Variants in MAP3K5 observed in about 807,000 individuals in gnomAD.
MAP3K5 encodes the protein mitogen-activated protein kinase kinase kinase 5, also known as ASK-1.
In MAP3K5, 56 loss-of-function variants were observed where a neutral mutation model predicts 158.7. The ratio of observed to expected loss-of-function variants is 0.35; its 90% confidence interval spans 0.28 to 0.44. The LOEUF is 0.44. Among genes scored for constraint, MAP3K5 ranks in the 20% least tolerant of loss-of-function variants. MAP3K5 has a pLI of 1.00. For missense variants in MAP3K5, 1,294 were observed against 1,674.8 expected, an observed-to-expected ratio of 0.77 and a Z score of 3.97; for synonymous variants, 579 against 601.7, an observed-to-expected ratio of 0.96 and a Z score of 0.55.
intron 1 of MAP3K5, among the ~76,000 whole-genome samples, chr6:136,728,176 C>T (rs1782055312): frequency 2.0e-5 from 3 of 152,080 alleles, no homozygotes; most frequent in African/African-American, 4.8e-5. Context: ...AGCTTAATTG[C>T]ATTTTGGTCA....
chr6:136,602,288 CTTTA>C (rs1439415059), intron 19 of MAP3K5, among the ~76,000 whole-genome samples: 2 of 151,966 alleles, frequency 1.3e-5, no homozygotes, highest in Non-Finnish European at 2.9e-5. Flanking sequence ...CAAAAAGGAT[CTTTA>C]TTTTTCTTTC....
intron 25 of MAP3K5, among the ~76,000 whole-genome samples, chr6:136,575,109 T>A (rs1411926950): frequency 1.3e-5 from 2 of 151,986 alleles, no homozygotes; most frequent in Non-Finnish European, 2.9e-5. Context: ...TAACAGTTTA[T>A]ATACCTTTGG....
intron 1 of MAP3K5, among the ~76,000 whole-genome samples, chr6:136,754,941 A>C (rs549963122): frequency 6.6e-6 from 1 of 152,208 alleles, no homozygotes; most frequent in South Asian, 2.1e-4. Context: ...CCATTCCAGA[A>C]ATATGAGGTT....
chr6:136,789,995 G>C (rs184509464), intron 1 of MAP3K5, among the ~76,000 whole-genome samples: 3 of 152,272 alleles, frequency 2.0e-5, no homozygotes, highest in African/African-American at 7.2e-5. Flanking sequence ...CCTGGCCCAA[G>C]CACAACCTTT....
intron 7 of MAP3K5, among the ~76,000 whole-genome samples, chr6:136,674,345 C>T (rs1055758842): frequency 3.3e-5 from 5 of 151,926 alleles, no homozygotes; most frequent in East Asian, 3.8e-4. Context: ...ATTTAAACTG[C>T]TCCAAGTTTC....
chr6:136,718,220 A>AT (rs950019053), intron 2 of MAP3K5, among the ~76,000 whole-genome samples: 11 of 151,964 alleles, frequency 7.2e-5, no homozygotes, highest in African/African-American at 2.4e-4. Flanking sequence ...TTGTTTTGTG[A>AT]TTTTTTTGAG....
chr6:136,786,460 G>A (rs6570102), intron 1 of MAP3K5, among the ~76,000 whole-genome samples: 2,431 of 151,220 alleles, frequency 0.016, 67 homozygotes, highest in South Asian at 0.057. Context: ...CGATAGTATT[G>A]ACATCTCTTA....
At chr6:136,670,823 T>G (rs572552561) in intron 7 of MAP3K5, among the ~76,000 whole-genome samples, 2 of 152,312 alleles carry the variant, frequency 1.3e-5, no homozygotes, top group East Asian at 3.9e-4. Flanking sequence ...CTCTGATAGT[T>G]ATGTACCTAT....
chr6:136,656,543 G>T, intron 9 of MAP3K5, 83 bp from the exon 10 acceptor site: 1 of 813,486 alleles, frequency 1.2e-6, no homozygotes, highest in Non-Finnish European at 2.0e-6. Flanking sequence ...TTCTGTAAAT[G>T]TAATTTATAC....
Position 136,583,963 on chromosome 6 carries a change from C to T in MAP3K5, c.3226-223G>A, listed in dbSNP as rs542733900. On this transcript the variant is annotated intron_variant, in intron 23 of 29. Transcript: ENST00000359015. ...CAGGCATGAGCCACCATACTTCCCACAGCCCTTTCTGAGAAGAACTGGACT... is the reference window on the plus strand; with the variant it reads ...CAGGCATGAGCCACCATACTTCCCATAGCCCTTTCTGAGAAGAACTGGACT... 2.0e-5 allele frequency among the ~76,000 whole-genome samples: 3 copies of T among 152,246 alleles called. No individual in the cohort carries two copies. In the East Asian group the frequency reaches 5.8e-4, roughly 29 times the overall value.
At chr6:136,570,089 G>A (rs1160190227) in intron 25 of MAP3K5, among the ~76,000 whole-genome samples, 1 of 152,108 alleles carries the variant, frequency 6.6e-6, no homozygotes, top group Non-Finnish European at 1.5e-5. Context: ...ATTCCCTGAA[G>A]CCTCTCCCGA....
chr6:136,704,386 G>C (rs941332711), intron 3 of MAP3K5, among the ~76,000 whole-genome samples: 1 of 152,084 alleles, frequency 6.6e-6, no homozygotes, highest in Non-Finnish European at 1.5e-5. Flanking sequence ...AAGGGAAAAG[G>C]GAACAGCATA....
chr6:136,601,196 G>T (rs1031384978), intron 20 of MAP3K5, among the ~76,000 whole-genome samples, 154 bp from the exon 21 acceptor site: 1 of 150,820 alleles, frequency 6.6e-6, no homozygotes, highest in African/African-American at 2.5e-5. Flanking sequence ...ATCAAAAAAC[G>T]CCAAGAACAA....
intron 1 of MAP3K5, among the ~76,000 whole-genome samples, chr6:136,767,112 A>G (rs1783999207): frequency 6.6e-6 from 1 of 152,228 alleles, no homozygotes; most frequent in African/African-American, 2.4e-5. Context: ...GTTTATCTCT[A>G]TAATAAATCT....
At chr6:136,765,958 T>C (rs1481668219) in intron 1 of MAP3K5, among the ~76,000 whole-genome samples, 1 of 152,154 alleles carries the variant, frequency 6.6e-6, no homozygotes, top group Non-Finnish European at 1.5e-5. Flanking sequence ...CTAAATTTTG[T>C]CATAAAATAT....
At chr6:136,739,680 A>G (rs1782629739) in intron 1 of MAP3K5, among the ~76,000 whole-genome samples, 1 of 152,220 alleles carries the variant, frequency 6.6e-6, no homozygotes, top group Non-Finnish European at 1.5e-5. Context: ...CAACATTTGC[A>G]GTCACTATTT....
At chr6:136,662,210 G>A (rs182102861) in intron 8 of MAP3K5, among the ~76,000 whole-genome samples, 1 of 152,258 alleles carries the variant, frequency 6.6e-6, no homozygotes, top group African/African-American at 2.4e-5. Flanking sequence ...AGAAAATGCT[G>A]TACCAATTTA....
chr6:136,765,728 C>T lies in MAP3K5; in HGVS notation c.448+25982G>A, dbSNP rs545599805. Among the ~76,000 whole-genome samples the T allele has an allele frequency of 2.3e-4, 33 of 146,300 alleles. 1 individual carries two copies. Among genetic ancestry groups the T allele is most frequent in the African/African-American group, 8.4e-4 (33 of 39,412 alleles). Reference sequence around the variant, plus strand: ...TATTTTTAGTAGAGACAGGGTTTCACCATGTTGACCAGGCTGGTCTCGAAC... The same window carrying T: ...TATTTTTAGTAGAGACAGGGTTTCATCATGTTGACCAGGCTGGTCTCGAAC... On this transcript the variant is annotated intron_variant, in intron 1 of 29. Transcript: ENST00000359015.
intron 7 of MAP3K5, among the ~76,000 whole-genome samples, chr6:136,692,236 A>G (rs1382062663): frequency 6.6e-6 from 1 of 152,094 alleles, no homozygotes; most frequent in Non-Finnish European, 1.5e-5. Context: ...TGTATTAGAC[A>G]TTTTGGATGA....
Sources: allele counts gnomAD v4.1 joint callset (sites outside exome capture counted in the v4.1 genomes callset), GRCh38; gene constraint gnomAD v4.1.1; transcripts MANE v1.5; gene names NCBI Gene and HGNC (gene_info 2026-07-23, HGNC 2026-07-21).